The following LYPD3 variants were observed in gnomAD, a reference collection of about 807,000 sequenced individuals.
LYPD3 encodes the protein ly6/PLAUR domain-containing protein 3.
LYPD3 carries 22 observed loss-of-function variants against 21.7 expected under a neutral mutation model. That is an observed-to-expected ratio of 1.01 (90% CI 0.72 to 1.45). The LOEUF is 1.45. Ranked by LOEUF, LYPD3 falls within the 40% of genes most tolerant of loss-of-function variation. LYPD3 has a pLI of 0.00. For synonymous variants in LYPD3, 179 were observed against 203.0 expected, an observed-to-expected ratio of 0.88 and a Z score of 1.00; for missense variants, 471 against 466.9, an observed-to-expected ratio of 1.01 and a Z score of -0.08.
At chr19:43,463,415 CA>C (rs1294118297) in intron 3 of LYPD3, 128 bp from the exon 4 acceptor site, 1 of 1,376,426 alleles carries the variant, frequency 7.3e-7, no homozygotes, top group Non-Finnish European at 1.0e-6. Flanking sequence ...AGCCCCGCCC[CA>C]GCGCGCAACC....
rs1278844699 is a variant in LYPD3, at chr19:43,465,599, C to G, written c.-28G>C. 1.9e-6 allele frequency: 3 copies of G among 1,601,590 alleles called. No individual in the cohort carries two copies. The highest frequency in any genetic ancestry group is 2.6e-6 in the Non-Finnish European group (3 of 1,176,186). On this transcript the variant is annotated 5_prime_UTR_variant, in exon 1 of 5. Coordinates refer to ENST00000244333, the MANE Select transcript of LYPD3 (RefSeq NM_014400.3). ...CTCCGTCCTGCTCCCTTGGCGTCCC[C>G]CCTGGATGTGCCGCCTCCGAGCTCG...
In LYPD3 at chr19:43,464,462, G is replaced by A. The variant is rs753362254; in HGVS notation, c.80-6C>T. On this transcript the variant is annotated splice_region_variant and splice_polypyrimidine_tract_variant and intron_variant, in intron 1 of 4. Coordinates refer to ENST00000244333, the MANE Select transcript of LYPD3 (RefSeq NM_014400.3). ...GCACTCCAGGGCCTGCGCTCCTGGG[G>A]GAGCGGAGCCGAATAGACCTGAGCC... The A allele has an allele frequency of 6.2e-7, 1 of 1,613,956 alleles. No homozygotes were observed. Among genetic ancestry groups the A allele is most frequent in the South Asian group, 1.1e-5 (1 of 91,088 alleles).
rs1161735507 is a variant in LYPD3 at position 43,461,557 on chromosome 19, TCTGA to T, written c.831_834del (p.Ser277ArgfsTer7). On this transcript the variant is annotated frameshift_variant, in exon 5 of 5. Coordinates refer to ENST00000244333, the MANE Select transcript of LYPD3 (RefSeq NM_014400.3). LOFTEE classifies it low-confidence loss of function (END_TRUNC). ...TCGTGTTCTACTCCCTGTCTCGGAG[TCTGA>T]CTGGTTGGCGCTGGCATGGGTTTGG... 1 of 1,613,786 alleles carries T rather than the reference TCTGA, an allele frequency of 6.2e-7. No individual in the cohort carries two copies. Among genetic ancestry groups the T allele is most frequent in the Non-Finnish European group, 8.5e-7 (1 of 1,179,968 alleles).
rs746314355 is a variant in LYPD3, at chr19:43,464,402, G to A, written c.134C>T (p.Ser45Phe). 1 of 1,614,146 alleles carries A rather than the reference G, an allele frequency of 6.2e-7. No individual in the cohort carries two copies. Among genetic ancestry groups the A allele is most frequent in the African/African-American group, 1.3e-5 (1 of 75,060 alleles). The stretch of plus-strand genomic sequence containing the variant: ...CTTCACTGTCTTCATCTTGTTCGGG[G>A]AGCATCCGTCATCTGCTTTCTGCAC... The part of the protein sequence containing the change: ...SCVQKADDGC[S>F]PNKMKTVKCA... Residue 45 changes from serine to phenylalanine, a missense_variant, in exon 2 of 5, where the codon TCC becomes TTC. Ser to Phe is a radical substitution (Grantham distance 155, BLOSUM62 -2). Coordinates refer to ENST00000244333, the MANE Select transcript of LYPD3 (RefSeq NM_014400.3).
chr19:43,463,333 G>T (rs192050400), intron 3 of LYPD3, 46 bp from the exon 4 acceptor site: 3 of 1,590,506 alleles, frequency 1.9e-6, no homozygotes, highest in South Asian at 1.1e-5. Context: ...AAGGGTTCGG[G>T]AACCGCAGCT....
chr19:43,463,475 C>T (rs1310650972), intron 3 of LYPD3, 124 bp downstream of exon 3: 1 of 1,391,306 alleles, frequency 7.2e-7, no homozygotes, highest in South Asian at 1.2e-5. Flanking sequence ...CTTGGCCCCG[C>T]CCCAGAGTGT....
Position 43,463,662 on chromosome 19 carries a change from G to T in LYPD3, c.319C>A (p.Gln107Lys), listed in dbSNP as rs780066883. The T allele has an allele frequency of 6.2e-7, 1 of 1,609,490 alleles. No individual in the cohort carries two copies. Among genetic ancestry groups the T allele is most frequent in the Admixed American group, 1.7e-5 (1 of 60,024 alleles). The part of the protein sequence containing the change: ...HGLLAFIQLQ[Q>K]CAQDRCNAKL... ...GCGTTGCAGCGATCCTGAGCGCATT[G>T]CTGCAGCTGGATGAACGCCAGAAGC... The change falls in exon 3 of 5, where the codon CAA (glutamine) becomes AAA (lysine). Residue 107 changes from glutamine (Q) to lysine (K), a missense_variant. Transcript: ENST00000244333.
chr19:43,461,288 A>T lies in LYPD3; in HGVS notation c.*63T>A. On this transcript the variant is annotated 3_prime_UTR_variant, in exon 5 of 5. Transcript: ENST00000244333. The stretch of plus-strand genomic sequence containing the variant: ...AGTCCAGTGGTGGGAACAGGAAGTG[A>T]TGAGAAGAGGGGTACCCAGGGCCAG... The T allele has an allele frequency of 6.8e-7, 1 of 1,478,970 alleles. No individual in the cohort carries two copies. The highest frequency in any genetic ancestry group is 9.0e-7 in the Non-Finnish European group (1 of 1,109,582). 91.6% of individuals were successfully genotyped at this position (1,478,970 alleles called of 1,614,324 possible). A position where few individuals can be genotyped will look rare whatever the true frequency, so the allele number is the denominator to read the frequency against.
chr19:43,464,134 T>A, intron 2 of LYPD3, 191 bp downstream of exon 2: 2 of 804,772 alleles, frequency 2.5e-6, no homozygotes, highest in Non-Finnish European at 3.8e-6. Context: ...AACTCTCTGC[T>A]CCTCGCGCTT....
chr19:43,463,340 A>T, intron 3 of LYPD3, 53 bp from the exon 4 acceptor site: 1 of 1,581,904 alleles, frequency 6.3e-7, no homozygotes. Context: ...CGGGAACCGC[A>T]GCTCGTCCTC....
chr19:43,463,528 C>T (rs767227505), intron 3 of LYPD3, 71 bp downstream of exon 3: 2 of 1,558,500 alleles, frequency 1.3e-6, no homozygotes, highest in South Asian at 1.1e-5. Flanking sequence ...GCCTCTGCCA[C>T]GGCTCCACCT....
At chr19:43,463,048 A>G (rs1970787576) in intron 4 of LYPD3, 78 bp downstream of exon 4, 2 of 1,521,732 alleles carry the variant, frequency 1.3e-6, no homozygotes, top group Non-Finnish European at 1.8e-6. Context: ...GCTTTGGGTA[A>G]AGGGCTCCCT....
intron 1 of LYPD3, 113 bp from the exon 2 acceptor site, chr19:43,464,569 A>C: frequency 2.2e-6 from 3 of 1,383,536 alleles, no homozygotes; most frequent in Non-Finnish European, 3.0e-6. Flanking sequence ...CTTATTGCAC[A>C]CACTTTTCCA....
Position 43,464,298 on chromosome 19 carries a change from G to A in LYPD3, c.211+27C>T. On this transcript the variant is annotated intron_variant, in intron 2 of 4. Transcript: ENST00000244333. ...CTGGGCCGGAGGAGCCTGCAGTGGT[G>A]TGCGTGGCCCGGGGGTCCCCACTCA... 1.9e-6 allele frequency: 3 copies of A among 1,580,922 alleles called. No individual in the cohort carries two copies. In the South Asian group the frequency reaches 3.4e-5, roughly 18 times the overall value.
rs1970804030 is a variant in LYPD3 at position 43,464,384 on chromosome 19, G to C, written c.152C>G (p.Thr51Arg). ...DDGCSPNKMK[T>R]VKCAPGVDVC... ...GTCCACGCCCGGCGCGCACTTCACT[G>C]TCTTCATCTTGTTCGGGGAGCATCC... The change falls in exon 2 of 5, where the codon ACA becomes AGA. Residue 51 changes from threonine (T) to arginine (R), a missense_variant. Physicochemically the swap from Thr to Arg is moderately conservative, Grantham distance 71 (BLOSUM62 -1). Coordinates refer to ENST00000244333, the MANE Select transcript of LYPD3 (RefSeq NM_014400.3). 1 of 1,613,986 alleles carries C rather than the reference G, an allele frequency of 6.2e-7. No individual in the cohort carries two copies. Among genetic ancestry groups the C allele is most frequent in the African/African-American group, 1.3e-5 (1 of 74,914 alleles).
chr19:43,464,160 G>C, intron 2 of LYPD3, 165 bp downstream of exon 2: 1 of 919,794 alleles, frequency 1.1e-6, no homozygotes, highest in South Asian at 1.7e-5. Flanking sequence ...TGTTAATAGA[G>C]AAGGCCTGGC....
chr19:43,463,407 C>T lies in LYPD3; in HGVS notation c.383-120G>A, dbSNP rs560630830. 4.2e-5 allele frequency: 58 copies of T among 1,386,276 alleles called. No individual in the cohort carries two copies. The African/African-American group carries it at 7.0e-4, about 17-fold the overall frequency. The allele number at this position is 1,386,276 out of a possible 1,614,324, so 85.9% of individuals were successfully genotyped here. A position where few individuals can be genotyped will look rare whatever the true frequency, so the allele number is the denominator to read the frequency against. ...TATCGATGACCCCGCCTACTAGTAG[C>T]CCCGCCCCAGCGCGCAACCTCGCGG... On this transcript the variant is annotated intron_variant, in intron 3 of 4. Transcript: ENST00000244333.
intron 2 of LYPD3, 36 bp from the exon 3 acceptor site, chr19:43,463,805 C>T (rs202018198): frequency 3.1e-6 from 5 of 1,588,718 alleles, no homozygotes; most frequent in Non-Finnish European, 4.3e-6. Flanking sequence ...TAGCTGTGGG[C>T]GTGGTCTCAG....
At chr19:43,464,953 C>T (rs1402766893) in intron 1 of LYPD3, among the ~76,000 whole-genome samples, 13 of 96,340 alleles carry the variant, frequency 1.3e-4, no homozygotes, top group African/African-American at 4.8e-4. Flanking sequence ...TTTTTTGAGA[C>T]GGAGTCTCGC....
Sources: gnomAD v4.1 joint callset for allele counts (sites outside exome capture counted in the v4.1 genomes callset) on GRCh38, gnomAD v4.1.1 for gene constraint, MANE v1.5 for transcripts, NCBI Gene and HGNC (gene_info 2026-07-23, HGNC 2026-07-21) for gene names.